CD1B: variants seen among roughly 807,000 people sequenced by gnomAD.
The protein encoded by CD1B is CD1b molecule.
A neutral mutation model predicts 39.8 loss-of-function variants in CD1B; 43 were observed. The ratio of observed to expected loss-of-function variants is 1.08; its 90% CI spans 0.85 to 1.39. The LOEUF is 1.39. Among genes scored for constraint, CD1B ranks in the 40% most tolerant of loss-of-function variants. CD1B has a pLI of 0.00. For synonymous variants in CD1B, 192 were observed against 152.5 expected, an observed-to-expected ratio of 1.26 and a Z score of -1.91; for missense variants, 495 against 403.8, an observed-to-expected ratio of 1.23 and a Z score of -1.94.
At chr1:158,322,429 TTGTG>T in the CD1B span, among the ~76,000 whole-genome samples, 3 of 149,514 alleles carry the variant, frequency 2.0e-5, no homozygotes, top group South Asian at 6.2e-4. Flanking sequence ...TTTTTTTTTT[TTGTG>T]TGTGTGTGTT....
the CD1B span, among the ~76,000 whole-genome samples, chr1:158,316,577 T>C: frequency 6.6e-6 from 1 of 151,826 alleles, no homozygotes; most frequent in Non-Finnish European, 1.5e-5. Context: ...TGGGGTTTTC[T>C]AGATATACAA....
downstream of CD1B, among the ~76,000 whole-genome samples, chr1:158,326,272 C>A (rs1400306385): frequency 6.6e-6 from 1 of 151,980 alleles, no homozygotes; most frequent in Non-Finnish European, 1.5e-5. Flanking sequence ...ATGCCCGGCC[C>A]ACAAATCTAT....
At chr1:158,292,502 A>G in the CD1B span, 8 of 1,499,998 alleles carry the variant, frequency 5.3e-6, no homozygotes, top group East Asian at 4.5e-5. Context: ...AGAGGCAGGA[A>G]AAAGATAACT....
the CD1B span, among the ~76,000 whole-genome samples, chr1:158,320,126 G>C: frequency 3.3e-5 from 5 of 152,216 alleles, no homozygotes; most frequent in Non-Finnish European, 7.3e-5. Context: ...TCTGTGCCCT[G>C]CCCCCAGAGG....
rs1031901511 is a variant in CD1B at position 158,330,468 on chromosome 1, TA to T, written c.328+327del. The T allele has an allele frequency of 9.1e-6, 5 of 552,424 alleles. No individual in the cohort carries two copies. The African/African-American group carries it at 9.5e-5, about 10-fold the overall frequency. 34.2% of individuals were successfully genotyped at this position (552,424 alleles called of 1,614,324 possible). ...GGAGGAGATGATTGAAAAGATGGAT[TA>T]GGGGAGAAAGCCACACGTTAGATCA... On this transcript the variant is annotated intron_variant, in intron 2 of 5. Coordinates refer to ENST00000368168, the MANE Select transcript of CD1B (RefSeq NM_001764.3).
the CD1B span, chr1:158,289,991 A>T: frequency 5.1e-6 from 7 of 1,363,784 alleles, no homozygotes; most frequent in Non-Finnish European, 7.3e-6. Flanking sequence ...GAATATAGGT[A>T]CAGAGGGATA....
chr1:158,319,103 C>A, the CD1B span, among the ~76,000 whole-genome samples: 1 of 151,178 alleles, frequency 6.6e-6, no homozygotes, highest in African/African-American at 2.4e-5. Flanking sequence ...AACATTTTTT[C>A]CTTCATTTCA....
At chr1:158,298,948 A>G in the CD1B span, among the ~76,000 whole-genome samples, 1 of 152,194 alleles carries the variant, frequency 6.6e-6, no homozygotes, top group East Asian at 1.9e-4. Context: ...ATATACAATC[A>G]TGTCATCTGC....
chr1:158,317,216 G>A, the CD1B span, among the ~76,000 whole-genome samples: 3 of 151,734 alleles, frequency 2.0e-5, no homozygotes, highest in East Asian at 3.9e-4. Context: ...TCTATTGATT[G>A]GAATAGTTTC....
At position 158,331,005 on chromosome 1, in the gene CD1B, G is replaced by A. The variant is rs201304430; in HGVS notation, c.119C>T (p.Thr40Ile). The part of the protein sequence containing the change: ...VIQTSSFTNS[T>I]WAQTQGSGWL... ...GCCTGAGCCTTGAGTTTGTGCCCAG[G>A]TACTATTGGTAAAGGACGAGGTCTG... Residue 40 changes from threonine to isoleucine, a missense_variant, in exon 2 of 6, where the codon ACC becomes ATC. Thr to Ile is a moderately conservative substitution (Grantham distance 89). Coordinates refer to ENST00000368168, the MANE Select transcript of CD1B (RefSeq NM_001764.3). 1.2e-6 allele frequency: 2 copies of A among 1,613,998 alleles called. No individual in the cohort carries two copies. Among genetic ancestry groups the A allele is most frequent in the Non-Finnish European group, 1.7e-6 (2 of 1,180,020 alleles).
the CD1B span, among the ~76,000 whole-genome samples, chr1:158,320,970 T>C: frequency 1.6e-4 from 25 of 152,324 alleles, no homozygotes; most frequent in Admixed American, 1.2e-3. Context: ...TGGAGAAGAA[T>C]GTATATTCTG....
the CD1B span, among the ~76,000 whole-genome samples, chr1:158,300,023 C>A: frequency 2.0e-5 from 3 of 152,048 alleles, no homozygotes; most frequent in Admixed American, 2.0e-4. Flanking sequence ...TTCTTGTCTT[C>A]GGCTAGCTTT....
At chr1:158,287,495 T>C in the CD1B span, among the ~76,000 whole-genome samples, 2 of 150,500 alleles carry the variant, frequency 1.3e-5, no homozygotes, top group South Asian at 2.1e-4. Context: ...CAACATGTGA[T>C]TTTTTTTTTC....
chr1:158,285,930 G>C, the CD1B span, among the ~76,000 whole-genome samples: 2 of 152,108 alleles, frequency 1.3e-5, no homozygotes, highest in African/African-American at 4.8e-5. Flanking sequence ...TCCGTAATGG[G>C]GAAGTAGGCA....
At chr1:158,315,910 G>A in the CD1B span, among the ~76,000 whole-genome samples, 5,224 of 151,948 alleles carry the variant, frequency 0.034, 338 homozygotes, top group African/African-American at 0.12. Context: ...TTTATTAAAT[G>A]GGGAATCCTT....
chr1:158,316,216 G>A, the CD1B span, among the ~76,000 whole-genome samples: 2 of 151,938 alleles, frequency 1.3e-5, no homozygotes, highest in South Asian at 2.1e-4. Flanking sequence ...AGCTTGATGG[G>A]GATGGCATTG....
the CD1B span, among the ~76,000 whole-genome samples, chr1:158,321,462 C>G: frequency 6.6e-6 from 1 of 152,128 alleles, no homozygotes; most frequent in Non-Finnish European, 1.5e-5. Flanking sequence ...ATCAATTTAG[C>G]TACTTTATGT....
the CD1B span, among the ~76,000 whole-genome samples, chr1:158,308,271 C>A: frequency 2.0e-5 from 3 of 152,126 alleles, no homozygotes; most frequent in South Asian, 4.1e-4. Flanking sequence ...ATCCAACTTA[C>A]AAGGGATGTG....
chr1:158,321,980 G>T, the CD1B span, among the ~76,000 whole-genome samples: 1 of 152,172 alleles, frequency 6.6e-6, no homozygotes, highest in South Asian at 2.1e-4. Context: ...TGTATAACAA[G>T]TTATTTTAAG....
Sources: allele counts gnomAD v4.1 joint callset (sites outside exome capture counted in the v4.1 genomes callset), GRCh38; gene constraint gnomAD v4.1.1; transcripts MANE v1.5; gene names NCBI Gene and HGNC (gene_info 2026-07-23, HGNC 2026-07-21).